KATNIP: variants seen among roughly 807,000 people sequenced by gnomAD.
KATNIP encodes the protein katanin interacting protein.
A neutral mutation model predicts 174.0 loss-of-function variants in KATNIP; 126 were observed. The observed-to-expected ratio is 0.72, with a 90% CI of 0.63 to 0.84. The LOEUF is 0.84. Among genes scored for constraint, KATNIP ranks in the 40% least tolerant of loss-of-function variants. KATNIP has a pLI of 0.00. For synonymous variants in KATNIP, 810 were observed against 835.7 expected (o/e 0.97, Z 0.53); for missense variants, 1,958 against 2,109.7 (o/e 0.93, Z 1.41).
chr16:27,750,678 C>T (rs188840559), intron 16 of KATNIP, among the ~76,000 whole-genome samples: 4 of 149,682 alleles, frequency 2.7e-5, no homozygotes, highest in East Asian at 2.0e-4. Context: ...ATGATCTGCC[C>T]GTCTCGGCCT....
At chr16:27,726,970 G>A (rs2080475745) in intron 14 of KATNIP, among the ~76,000 whole-genome samples, 3 of 152,196 alleles carry the variant, frequency 2.0e-5, no homozygotes, top group Admixed American at 2.0e-4. Context: ...AATATAGTAT[G>A]GTCAGAGCCA....
chr16:27,603,552 T>C (rs1449979211), intron 2 of KATNIP, among the ~76,000 whole-genome samples: 1 of 151,346 alleles, frequency 6.6e-6, no homozygotes, highest in Non-Finnish European at 1.5e-5. Context: ...CACCCCCAAC[T>C]GCAGTGAAGG....
Position 27,740,925 on chromosome 16 carries a change from G to T in KATNIP, c.2623+5G>T, listed in dbSNP as rs748958797. Reference sequence around the variant, plus strand: ...ACGACCAGCCAGCCAGCAGAGGTAAGCTCCAAAGAGCAGCCCGACTTGGGC... The same window carrying T: ...ACGACCAGCCAGCCAGCAGAGGTAATCTCCAAAGAGCAGCCCGACTTGGGC... On this transcript the variant is annotated splice_donor_5th_base_variant and intron_variant, in intron 15 of 27. Transcript: ENST00000261588. 1 of 1,582,610 alleles carries T rather than the reference G, an allele frequency of 6.3e-7. No homozygotes were observed. The highest frequency in any genetic ancestry group is 8.6e-7 in the Non-Finnish European group (1 of 1,164,278).
At chr16:27,694,378 G>A (rs1381965538) in intron 8 of KATNIP, among the ~76,000 whole-genome samples, 3 of 152,100 alleles carry the variant, frequency 2.0e-5, no homozygotes, top group Non-Finnish European at 2.9e-5. Context: ...CCTTGTACCA[G>A]GTCACAAGTA....
At position 27,777,519 on chromosome 16, in the gene KATNIP, A is replaced by G. The variant is rs1045344114; in HGVS notation, c.4552-91A>G. 2.6e-5 allele frequency: 33 copies of G among 1,283,126 alleles called. No homozygotes were observed. The highest frequency in any genetic ancestry group is 3.4e-5 in the Non-Finnish European group (32 of 936,902). The allele number at this position is 1,283,126 out of a possible 1,614,324, so 79.5% of individuals were successfully genotyped here. On this transcript the variant is annotated intron_variant, in intron 25 of 27. Coordinates refer to ENST00000261588, the MANE Select transcript of KATNIP (RefSeq NM_015202.5). The surrounding 1 kb of genome is among the most constrained non-coding windows in gnomAD (Gnocchi z 4.4). ...TGACAGCCCCGTCTTCCCGAGGAGAAAGCCTTGGCTCAGAGCAGTAACGCG... is the reference window on the plus strand; with the variant it reads ...TGACAGCCCCGTCTTCCCGAGGAGAGAGCCTTGGCTCAGAGCAGTAACGCG...
chr16:27,637,258 C>T lies in KATNIP; in HGVS notation c.408+6096C>T, dbSNP rs114261049. ...CTCTTCACTCTAGTATGTTCCTTTG[C>T]TCACTCATACTTTACTTCTTTCATT... On this transcript the variant is annotated intron_variant, in intron 5 of 27. Coordinates refer to ENST00000261588, the MANE Select transcript of KATNIP (RefSeq NM_015202.5). The surrounding 1 kb of genome is among the most constrained non-coding windows in gnomAD (Gnocchi z 4.7). Among the ~76,000 whole-genome samples the T allele has an allele frequency of 2.0e-3, 305 of 152,322 alleles. 3 individuals are homozygous for T. The highest frequency in any genetic ancestry group is 6.5e-3 in the African/African-American group (270 of 41,566).
At chr16:27,568,345 A>G (rs768685980) in intron 1 of KATNIP, among the ~76,000 whole-genome samples, 4 of 152,206 alleles carry the variant, frequency 2.6e-5, no homozygotes, top group Non-Finnish European at 4.4e-5. Context: ...TTTGTTTCCT[A>G]TTTGTGGACA....
chr16:27,761,622 C>A (rs2144034882), intron 19 of KATNIP, 32 bp downstream of exon 19: 3 of 1,573,332 alleles, frequency 1.9e-6, no homozygotes, highest in East Asian at 2.2e-5. Context: ...TACTTTCATG[C>A]CCACTGGGTT....
At chr16:27,659,278 G>A (rs983561842) in intron 6 of KATNIP, among the ~76,000 whole-genome samples, 170 of 152,162 alleles carry the variant, frequency 1.1e-3, no homozygotes, top group African/African-American at 3.7e-3. Context: ...TTGGGAGGCC[G>A]AGGCAGGAGG....
At chr16:27,570,508 A>G (rs990711896) in intron 1 of KATNIP, among the ~76,000 whole-genome samples, 1 of 152,202 alleles carries the variant, frequency 6.6e-6, no homozygotes, top group Non-Finnish European at 1.5e-5. Context: ...CAGAGGTTGC[A>G]GTAAGCGGAG....
intron 2 of KATNIP, among the ~76,000 whole-genome samples, chr16:27,606,514 T>TAC (rs903126259): frequency 6.7e-6 from 1 of 149,686 alleles, no homozygotes; most frequent in Non-Finnish European, 1.5e-5. Flanking sequence ...CACACACACA[T>TAC]ACACACACAC....
chr16:27,759,521 C>T (rs528068065), intron 18 of KATNIP, among the ~76,000 whole-genome samples: 7 of 152,334 alleles, frequency 4.6e-5, no homozygotes, highest in African/African-American at 1.4e-4. Flanking sequence ...CTTGGCTGGG[C>T]AGCTCTGGGT....
At chr16:27,584,582 C>G (rs1249397459) in intron 2 of KATNIP, among the ~76,000 whole-genome samples, 3 of 151,864 alleles carry the variant, frequency 2.0e-5, no homozygotes, top group Non-Finnish European at 4.4e-5. Context: ...CACCTAAGGT[C>G]AGGAATTTGA....
chr16:27,616,288 G>C (rs150363411), intron 2 of KATNIP, among the ~76,000 whole-genome samples: 2 of 151,870 alleles, frequency 1.3e-5, no homozygotes, highest in Admixed American at 1.3e-4. Context: ...AGGAGAATCC[G>C]GGAGGCAGAG....
At chr16:27,700,587 C>T (rs1022919369) in intron 10 of KATNIP, among the ~76,000 whole-genome samples, 1 of 152,094 alleles carries the variant, frequency 6.6e-6, no homozygotes, top group Non-Finnish European at 1.5e-5. Context: ...CCTGGGTGCC[C>T]CTTGGAAGGC....
intron 3 of KATNIP, 28 bp from the exon 4 acceptor site, chr16:27,628,633 G>A (rs1288945197): frequency 1.2e-6 from 2 of 1,611,504 alleles, no homozygotes; most frequent in Non-Finnish European, 1.7e-6. Flanking sequence ...AAATGATGAG[G>A]AGGAACAACC....
At chr16:27,602,526 A>G (rs2075562083) in intron 2 of KATNIP, among the ~76,000 whole-genome samples, 1 of 152,134 alleles carries the variant, frequency 6.6e-6, no homozygotes, top group Non-Finnish European at 1.5e-5. Flanking sequence ...GTAACTGCCC[A>G]ACGGGTTCAT....
chr16:27,719,769 A>G (rs2080134639), intron 13 of KATNIP, among the ~76,000 whole-genome samples: 1 of 151,304 alleles, frequency 6.6e-6, no homozygotes, highest in African/African-American at 2.4e-5. Flanking sequence ...TCCTGGGCTC[A>G]AGCAATCCTA....
intron 13 of KATNIP, among the ~76,000 whole-genome samples, chr16:27,713,737 CAT>C (rs2079737707): frequency 1.4e-5 from 2 of 140,770 alleles, no homozygotes; most frequent in African/African-American, 5.2e-5. Flanking sequence ...ATTATATACA[CAT>C]ACATATTATA....
Sources: allele counts gnomAD v4.1 joint callset (sites outside exome capture counted in the v4.1 genomes callset), GRCh38; gene constraint gnomAD v4.1.1; non-coding constraint Gnocchi (gnomAD v3.1); transcripts MANE v1.5; gene names NCBI Gene and HGNC (gene_info 2026-07-23, HGNC 2026-07-21).